Variants in MAP2K6 observed in about 807,000 individuals in gnomAD.
MAP2K6 encodes mitogen-activated protein kinase kinase 6.
A neutral mutation model predicts 53.7 loss-of-function variants in MAP2K6; 16 were observed. The ratio of observed to expected loss-of-function variants is 0.30; its 90% confidence interval spans 0.20 to 0.45. The LOEUF (loss-of-function observed/expected upper bound fraction) is 0.45. Ranked by LOEUF, MAP2K6 falls within the 20% of genes least tolerant of loss-of-function variation. The pLI is 1.00. For missense variants in MAP2K6, 204 were observed against 411.9 expected, an observed-to-expected ratio of 0.50 and a Z score of 4.37; for synonymous variants, 132 against 143.1, an observed-to-expected ratio of 0.92 and a Z score of 0.55.
In MAP2K6 at chr17:69,548,934, A is replaced by G. The variant is rs947713015; in HGVS notation, c.*7181A>G. On this transcript the variant is annotated 3_prime_UTR_variant, in exon 12 of 12. Transcript: ENST00000590474. The stretch of plus-strand genomic sequence containing the variant: ...TCTTTGCTATAGAGGTGATGAAGGC[A>G]CTTGCTAGCCTAAGCAGAAACATAA... 2.6e-5 allele frequency: 4 copies of G among 152,216 alleles called. No homozygotes were observed. Among genetic ancestry groups the G allele is most frequent in the African/African-American group, 9.6e-5 (4 of 41,470 alleles). 9.4% of individuals were successfully genotyped at this position (152,216 alleles called of 1,614,324 possible).
chr17:69,536,189 C>T (rs764064360), intron 11 of MAP2K6, 29 bp downstream of exon 11: 3 of 1,576,562 alleles, frequency 1.9e-6, no homozygotes, highest in Non-Finnish European at 2.6e-6. Context: ...GTAAACATGA[C>T]TATACTGATA....
At chr17:69,478,676 C>T (rs1238975723) in intron 1 of MAP2K6, among the ~76,000 whole-genome samples, 2 of 152,154 alleles carry the variant, frequency 1.3e-5, no homozygotes, top group Non-Finnish European at 2.9e-5. Context: ...CTACTTGCCT[C>T]GGCCTCCCAA....
At chr17:69,477,016 T>A (rs1361667013) in intron 1 of MAP2K6, 1 of 152,328 alleles carries the variant, frequency 6.6e-6, no homozygotes, top group African/African-American at 2.4e-5. Context: ...CTGGATCTTC[T>A]CATTCACATG....
intron 2 of MAP2K6, among the ~76,000 whole-genome samples, chr17:69,513,404 C>T (rs1481897373): frequency 1.3e-5 from 2 of 152,136 alleles, no homozygotes; most frequent in African/African-American, 4.8e-5. Flanking sequence ...ATTCGGGTGA[C>T]TTGAGTTTTA....
At chr17:69,540,432 G>T (rs938578817) in intron 11 of MAP2K6, among the ~76,000 whole-genome samples, 1 of 152,218 alleles carries the variant, frequency 6.6e-6, no homozygotes, top group Non-Finnish European at 1.5e-5. Context: ...GGTAGGTTTG[G>T]TTGGTTCTAT....
intron 2 of MAP2K6, among the ~76,000 whole-genome samples, chr17:69,511,947 C>T (rs1909843775): frequency 6.6e-6 from 1 of 152,136 alleles, no homozygotes; most frequent in Non-Finnish European, 1.5e-5. Flanking sequence ...CCATTGCACT[C>T]CAGCCTAGAT....
intron 1 of MAP2K6, among the ~76,000 whole-genome samples, chr17:69,420,464 T>C (rs1906042023): frequency 6.6e-6 from 1 of 152,238 alleles, no homozygotes; most frequent in Non-Finnish European, 1.5e-5. Flanking sequence ...TCACAAGTCA[T>C]ATAAGTCAAT....
chr17:69,471,026 C>G (rs891416517), intron 1 of MAP2K6, among the ~76,000 whole-genome samples: 1 of 152,130 alleles, frequency 6.6e-6, no homozygotes. Flanking sequence ...TACCTGCACA[C>G]AGGAAGAGCT....
chr17:69,535,826 T>G lies in MAP2K6; in HGVS notation c.882-289T>G, dbSNP rs1331657746. ...AGTAGATTTTTTGAAATAAAATGGC[T>G]ATAGATCAGAAAAATTAGTGTGCAT... On this transcript the variant is annotated intron_variant, in intron 10 of 11. Transcript: ENST00000590474. Among the ~76,000 whole-genome samples, 4 of 152,024 alleles carry G rather than the reference T, an allele frequency of 2.6e-5. No individual in the cohort carries two copies. In the East Asian group the frequency reaches 7.7e-4, roughly 29 times the overall value.
intron 4 of MAP2K6, among the ~76,000 whole-genome samples, chr17:69,518,808 T>C (rs1352135907): frequency 6.6e-6 from 1 of 152,262 alleles, no homozygotes; most frequent in Non-Finnish European, 1.5e-5. Context: ...CAGATTGTTC[T>C]TCCCTCAGAA....
intron 1 of MAP2K6, among the ~76,000 whole-genome samples, chr17:69,480,638 T>C (rs1908318233): frequency 6.6e-6 from 1 of 152,128 alleles, no homozygotes; most frequent in Non-Finnish European, 1.5e-5. Flanking sequence ...ATCAGGAATA[T>C]AGAGATTGGG....
chr17:69,525,539 T>A (rs1410067174), intron 9 of MAP2K6, among the ~76,000 whole-genome samples: 1 of 152,156 alleles, frequency 6.6e-6, no homozygotes, highest in African/African-American at 2.4e-5. Flanking sequence ...GGACTCACAG[T>A]TCCATGCAGC....
intron 4 of MAP2K6, 87 bp from the exon 5 acceptor site, chr17:69,519,226 A>G: frequency 6.8e-7 from 1 of 1,460,610 alleles, no homozygotes; most frequent in South Asian, 1.4e-5. Context: ...TGTGTCATGA[A>G]CTATTTTCAC....
rs557779528 is a variant in MAP2K6 at position 69,529,701 on chromosome 17, G to A, written c.881+2992G>A. Among the ~76,000 whole-genome samples, 173 of 151,936 alleles carry A rather than the reference G, an allele frequency of 1.1e-3. 1 individual carries two copies. The Middle Eastern group carries it at 0.014, about 12-fold the overall frequency. On this transcript the variant is annotated intron_variant, in intron 10 of 11. Coordinates refer to ENST00000590474, the MANE Select transcript of MAP2K6 (RefSeq NM_002758.4). ...AATTTTTTGTATTTTTAGTAAAGAC[G>A]GGGTTTCACCGTGTTAACCAGGATG...
intron 1 of MAP2K6, 21 bp downstream of exon 1, chr17:69,415,021 G>C (rs1376605496): frequency 6.5e-7 from 1 of 1,540,148 alleles, no homozygotes; most frequent in South Asian, 1.1e-5. Flanking sequence ...GTTTGCATTA[G>C]TTGCAAAAAT....
At chr17:69,426,733 TCTTGA>T (rs1051354580) in intron 1 of MAP2K6, among the ~76,000 whole-genome samples, 1 of 152,000 alleles carries the variant, frequency 6.6e-6, no homozygotes, top group African/African-American at 2.4e-5. Context: ...CGGGAAGGAC[TCTTGA>T]CTTCTAGTAT....
At chr17:69,492,678 C>A (rs1000413851) in intron 1 of MAP2K6, among the ~76,000 whole-genome samples, 1 of 152,152 alleles carries the variant, frequency 6.6e-6, no homozygotes, top group South Asian at 2.1e-4. Context: ...TCAGCCTTCG[C>A]CTCTCCTTCT....
chr17:69,484,153 A>G (rs1012911340), intron 1 of MAP2K6, among the ~76,000 whole-genome samples: 5 of 152,084 alleles, frequency 3.3e-5, no homozygotes, highest in African/African-American at 9.7e-5. Flanking sequence ...TGAAAAGGCA[A>G]TTGACAGAAT....
At chr17:69,499,915 AG>A (rs1342228336) in intron 1 of MAP2K6, among the ~76,000 whole-genome samples, 1 of 152,106 alleles carries the variant, frequency 6.6e-6, no homozygotes, top group Non-Finnish European at 1.5e-5. Flanking sequence ...TTGCAGGCTG[AG>A]TGTAAGGTGC....
Sources: allele counts gnomAD v4.1 joint callset (sites outside exome capture counted in the v4.1 genomes callset), GRCh38; gene constraint gnomAD v4.1.1; transcripts MANE v1.5; gene names NCBI Gene and HGNC (gene_info 2026-07-23, HGNC 2026-07-21).